The following FKBP5 variants were observed in gnomAD, a reference collection of about 807,000 sequenced individuals.
The protein encoded by FKBP5 is FKBP prolyl isomerase 5.
A neutral mutation model predicts 50.5 loss-of-function variants in FKBP5; 23 were observed. The observed-to-expected ratio is 0.46, with a 90% CI of 0.33 to 0.65. FKBP5 has a LOEUF of 0.65. Ranked by LOEUF, FKBP5 falls within the 30% of genes least tolerant of loss-of-function variation. FKBP5 has a pLI of 0.02. For missense variants in FKBP5, 411 were observed against 553.1 expected, an observed-to-expected ratio of 0.74 and a Z score of 2.58; for synonymous variants, 176 against 190.6, an observed-to-expected ratio of 0.92 and a Z score of 0.63.
At chr6:35,632,111 T>TA (rs1764179216) in intron 3 of FKBP5, among the ~76,000 whole-genome samples, 1 of 152,138 alleles carries the variant, frequency 6.6e-6, no homozygotes, top group South Asian at 2.1e-4. Flanking sequence ...TGTTCTTAAT[T>TA]CAGCTTCTTT....
At chr6:35,584,063 G>GA in intron 8 of FKBP5, 2 of 985,344 alleles carry the variant, frequency 2.0e-6, no homozygotes, top group Non-Finnish European at 2.4e-6. Context: ...TGCCAAGTCA[G>GA]AAAAAAGAAA....
chr6:35,587,405 G>T (rs1055381874), intron 7 of FKBP5, among the ~76,000 whole-genome samples: 4 of 152,174 alleles, frequency 2.6e-5, no homozygotes, highest in Non-Finnish European at 5.9e-5. Flanking sequence ...GCTACAAAGT[G>T]CATCTTTAGA....
chr6:35,721,768 T>C (rs1297955401), intron 1 of FKBP5, among the ~76,000 whole-genome samples: 1 of 152,244 alleles, frequency 6.6e-6, no homozygotes, highest in African/African-American at 2.4e-5. Context: ...ATAGTGGCTT[T>C]ACAGCCAAAA....
chr6:35,633,341 G>A (rs540539104), intron 3 of FKBP5, among the ~76,000 whole-genome samples: 2 of 152,044 alleles, frequency 1.3e-5, no homozygotes, highest in Admixed American at 6.6e-5. Context: ...TCAAAAGTTC[G>A]AGACCACCCT....
intron 1 of FKBP5, among the ~76,000 whole-genome samples, chr6:35,666,518 T>C (rs1429982680): frequency 6.6e-6 from 1 of 150,454 alleles, no homozygotes; most frequent in Non-Finnish European, 1.5e-5. Context: ...CGAATTGATA[T>C]GGAAAGTTTA....
chr6:35,584,460 C>A, intron 8 of FKBP5: 1 of 985,476 alleles, frequency 1.0e-6, no homozygotes, highest in Non-Finnish European at 1.2e-6. Flanking sequence ...ACCTACACAT[C>A]TGGACTCTGT....
intron 1 of FKBP5, among the ~76,000 whole-genome samples, chr6:35,677,031 G>C (rs1765539242): frequency 1.3e-5 from 2 of 152,170 alleles, no homozygotes; most frequent in Non-Finnish European, 2.9e-5. Flanking sequence ...ATGAAATAGA[G>C]TGTCACGTCA....
In FKBP5 at chr6:35,607,750, G is replaced by A. The variant is rs914717819; in HGVS notation, c.509-10346C>T. Reference sequence around the variant, plus strand: ...TGACCAAATATACCAAGTTCGTGCCGGACATGATCTGAGAGCTGTGTGGCT... The same window carrying A: ...TGACCAAATATACCAAGTTCGTGCCAGACATGATCTGAGAGCTGTGTGGCT... On this transcript the variant is annotated intron_variant, in intron 5 of 10. Coordinates refer to ENST00000357266, the MANE Select transcript of FKBP5 (RefSeq NM_004117.4). 5 of 203,478 alleles carry A rather than the reference G, an allele frequency of 2.5e-5. No homozygotes were observed. In the South Asian group the frequency reaches 3.4e-4, roughly 14 times the overall value. The allele number at this position is 203,478 out of a possible 1,614,324, so 12.6% of individuals were successfully genotyped here.
At chr6:35,699,335 C>A (rs1038479052) in intron 2 of FKBP5, among the ~76,000 whole-genome samples, 3 of 152,200 alleles carry the variant, frequency 2.0e-5, no homozygotes, top group Non-Finnish European at 4.4e-5. Context: ...ACATCTGTAA[C>A]TGACACAGCA....
chr6:35,590,115 C>G (rs1762767111), intron 7 of FKBP5, among the ~76,000 whole-genome samples: 1 of 152,168 alleles, frequency 6.6e-6, no homozygotes, highest in Non-Finnish European at 1.5e-5. Context: ...TGGGGCAACA[C>G]AGTGAGACCC....
At chr6:35,613,619 T>C (rs1763558660) in intron 5 of FKBP5, among the ~76,000 whole-genome samples, 1 of 152,210 alleles carries the variant, frequency 6.6e-6, no homozygotes, top group African/African-American at 2.4e-5. Context: ...AAGAACAAGG[T>C]GATCTTGGTT....
intron 2 of FKBP5, among the ~76,000 whole-genome samples, chr6:35,713,077 T>TAAAAAAAAAAAAAAAAA (rs34258638): frequency 1.9e-5 from 1 of 52,948 alleles, no homozygotes; most frequent in Non-Finnish European, 3.2e-5. Flanking sequence ...ATCTGGTCTC[T>TAAAAAAAAAAAAAAAAA]AAAAAAAAAA....
chr6:35,719,573 G>A (rs1177652588), intron 2 of FKBP5, among the ~76,000 whole-genome samples: 2 of 152,102 alleles, frequency 1.3e-5, no homozygotes, highest in South Asian at 2.1e-4. Flanking sequence ...TTTAGCCAGC[G>A]CCTGTGAAAC....
intron 1 of FKBP5, among the ~76,000 whole-genome samples, chr6:35,650,550 T>C (rs536923114): frequency 1.3e-5 from 2 of 152,252 alleles, no homozygotes; most frequent in African/African-American, 4.8e-5. Context: ...CTTGGCTCAC[T>C]GCAATCTCCG....
intron 2 of FKBP5, among the ~76,000 whole-genome samples, chr6:35,698,822 C>T (rs780252883): frequency 1.6e-4 from 25 of 152,132 alleles, no homozygotes; most frequent in East Asian, 5.8e-4. Context: ...AGGTGCAACA[C>T]GTTTTTAAAC....
chr6:35,611,639 T>A (rs904463726), intron 5 of FKBP5, among the ~76,000 whole-genome samples: 1 of 152,222 alleles, frequency 6.6e-6, no homozygotes, highest in Non-Finnish European at 1.5e-5. Flanking sequence ...TCAGTCATCA[T>A]AATCATATCA....
At chr6:35,649,144 G>A (rs1764713500) in intron 1 of FKBP5, among the ~76,000 whole-genome samples, 1 of 151,416 alleles carries the variant, frequency 6.6e-6, no homozygotes, top group African/African-American at 2.4e-5. Context: ...CCAGCTACTT[G>A]GGAGGCTGAG....
intron 1 of FKBP5, among the ~76,000 whole-genome samples, chr6:35,645,017 T>C (rs1764592299): frequency 6.6e-6 from 1 of 152,120 alleles, no homozygotes; most frequent in Non-Finnish European, 1.5e-5. Flanking sequence ...AAAAGACCTT[T>C]CAAGTAAAAC....
At chr6:35,643,674 T>A (rs1243549077) in intron 1 of FKBP5, among the ~76,000 whole-genome samples, 1 of 152,176 alleles carries the variant, frequency 6.6e-6, no homozygotes, top group Non-Finnish European at 1.5e-5. Flanking sequence ...TAGTCATTCT[T>A]CTGGTCACTC....
Sources: allele counts gnomAD v4.1 joint callset (sites outside exome capture counted in the v4.1 genomes callset), GRCh38; gene constraint gnomAD v4.1.1; transcripts MANE v1.5; gene names NCBI Gene and HGNC (gene_info 2026-07-23, HGNC 2026-07-21).